The following DLG2 variants were observed in gnomAD, a reference collection of about 807,000 sequenced individuals.
DLG2 encodes the protein disks large homolog 2.
In DLG2, 45 loss-of-function variants were observed where a neutral mutation model predicts 132.5. The ratio of observed to expected loss-of-function variants is 0.34; its 90% CI spans 0.27 to 0.44. The LOEUF is 0.44. Among genes scored for constraint, DLG2 ranks in the 20% least tolerant of loss-of-function variants. The pLI, the probability that DLG2 is intolerant of heterozygous loss-of-function variation, is 1.00. For synonymous variants in DLG2, 424 were observed against 419.6 expected (o/e 1.01, Z -0.13); for missense variants, 1,045 against 1,196.9 (o/e 0.87, Z 1.87).
chr11:85,429,800 C>T (rs550020640), intron 3 of DLG2, among the ~76,000 whole-genome samples: 16 of 152,254 alleles, frequency 1.1e-4, no homozygotes, highest in Admixed American at 7.8e-4. Flanking sequence ...GTCAGTGTGG[C>T]GATTCCTCAG....
At chr11:84,421,464 T>A (rs1198269677) in intron 7 of DLG2, among the ~76,000 whole-genome samples, 1 of 152,138 alleles carries the variant, frequency 6.6e-6, no homozygotes, top group Non-Finnish European at 1.5e-5. Context: ...TTATCAAGAC[T>A]TCCAGGTGAT....
chr11:85,490,711 T>A (rs1392555548), intron 3 of DLG2, among the ~76,000 whole-genome samples: 1 of 151,982 alleles, frequency 6.6e-6, no homozygotes, highest in Non-Finnish European at 1.5e-5. Context: ...AGGAAATGGA[T>A]AAATTTCTAA....
rs1008186759 is a variant in DLG2, at chr11:83,790,805, T to C, written c.1723-4013A>G. The C allele has an allele frequency of 4.8e-4, 365 of 754,068 alleles. 1 individual carries two copies. Among genetic ancestry groups the C allele is most frequent in the Admixed American group, 3.4e-4 (19 of 56,020 alleles). 46.7% of individuals were successfully genotyped at this position (754,068 alleles called of 1,614,324 possible). ...TCTCATCTTCGGGGAAAGAGCGCCC[T>C]CCCACTTGAGAAGGAACCACAGAGA... is the stretch of plus-strand genomic sequence containing the variant. On this transcript the variant is annotated intron_variant, in intron 17 of 27. Coordinates refer to ENST00000376104, the MANE Select transcript of DLG2 (RefSeq NM_001142699.3).
chr11:85,481,922 C>A (rs982864481), intron 3 of DLG2, among the ~76,000 whole-genome samples: 4 of 152,104 alleles, frequency 2.6e-5, no homozygotes, highest in Admixed American at 2.6e-4. Flanking sequence ...CCTGCCCCAA[C>A]ACTATATAGG....
chr11:85,121,047 T>C (rs571462825), intron 5 of DLG2, among the ~76,000 whole-genome samples: 1 of 152,126 alleles, frequency 6.6e-6, no homozygotes, highest in East Asian at 1.9e-4. Flanking sequence ...AAGTAATAAT[T>C]ACTATTATAG....
Position 83,564,648 on chromosome 11 carries a change from T to C in DLG2, c.1941-22790A>G, listed in dbSNP as rs1044040037. The stretch of plus-strand genomic sequence containing the variant: ...ACTGATAAAATTCTTTTAAGAAAGT[T>C]ATATGAGTGAATGATTGTTTGCATT... On this transcript the variant is annotated intron_variant, in intron 19 of 27. Coordinates refer to ENST00000376104, the MANE Select transcript of DLG2 (RefSeq NM_001142699.3). Among the ~76,000 whole-genome samples the C allele has an allele frequency of 8.5e-5, 13 of 152,298 alleles. 1 individual carries two copies. The highest frequency in any genetic ancestry group is 2.9e-4 in the African/African-American group (12 of 41,566).
intron 3 of DLG2, among the ~76,000 whole-genome samples, chr11:85,433,032 G>T (rs186761184): frequency 4.6e-5 from 7 of 152,266 alleles, no homozygotes; most frequent in Admixed American, 4.6e-4. Context: ...TTAAAGGAAA[G>T]AATTTTTAAC....
At chr11:83,881,519 C>A (rs551522262) in intron 15 of DLG2, among the ~76,000 whole-genome samples, 8 of 152,260 alleles carry the variant, frequency 5.3e-5, no homozygotes, top group African/African-American at 1.9e-4. Flanking sequence ...TCAAATTTTA[C>A]ATTTTTATTT....
intron 8 of DLG2, among the ~76,000 whole-genome samples, chr11:84,198,316 T>C (rs2096549047): frequency 6.6e-6 from 1 of 152,116 alleles, no homozygotes; most frequent in Non-Finnish European, 1.5e-5. Flanking sequence ...CCACAAAATA[T>C]AGGAGTAACA....
At chr11:84,679,419 T>A (rs2153704572) in intron 6 of DLG2, among the ~76,000 whole-genome samples, 1 of 152,134 alleles carries the variant, frequency 6.6e-6, no homozygotes, top group Non-Finnish European at 1.5e-5. Context: ...TTCTCAAAGT[T>A]TTTTAGGGTT....
chr11:84,592,216 C>T (rs1260353518), intron 6 of DLG2, among the ~76,000 whole-genome samples: 2 of 152,134 alleles, frequency 1.3e-5, no homozygotes, highest in African/African-American at 4.8e-5. Flanking sequence ...GACTGAGATC[C>T]ATTAATTTAA....
intron 6 of DLG2, among the ~76,000 whole-genome samples, chr11:84,963,128 C>G (rs1017038668): frequency 6.6e-6 from 1 of 152,140 alleles, no homozygotes; most frequent in African/African-American, 2.4e-5. Context: ...CCTTTCACAA[C>G]TAAATAATTT....
intron 18 of DLG2, among the ~76,000 whole-genome samples, chr11:83,641,859 G>T (rs1308473547): frequency 1.3e-5 from 1 of 76,212 alleles, no homozygotes; most frequent in Admixed American, 1.7e-4. Flanking sequence ...CCAAGAGAGA[G>T]GGAGTGTGTG....
At chr11:84,656,905 T>C (rs191377672) in intron 6 of DLG2, among the ~76,000 whole-genome samples, 4 of 152,282 alleles carry the variant, frequency 2.6e-5, no homozygotes, top group African/African-American at 9.6e-5. Context: ...GTTTATTGTG[T>C]TAGGATCAGT....
intron 3 of DLG2, among the ~76,000 whole-genome samples, chr11:85,449,221 C>T (rs982182704): frequency 6.6e-6 from 1 of 151,666 alleles, no homozygotes; most frequent in Non-Finnish European, 1.5e-5. Flanking sequence ...TCCATCAATT[C>T]TGGAAATTTT....
chr11:84,393,390 TTCTG>T (rs202223505), intron 7 of DLG2, among the ~76,000 whole-genome samples: 2,190 of 152,264 alleles, frequency 0.014, 27 homozygotes, highest in South Asian at 0.036. Flanking sequence ...TCTAAATCCT[TTCTG>T]TCTGTCTACA....
chr11:84,541,650 A>G (rs2099371474), intron 6 of DLG2, among the ~76,000 whole-genome samples: 1 of 152,150 alleles, frequency 6.6e-6, no homozygotes, highest in South Asian at 2.1e-4. Context: ...TGAATCTCCA[A>G]TGCCCAACCG....
At chr11:84,102,197 T>C (rs539741748) in intron 9 of DLG2, among the ~76,000 whole-genome samples, 2 of 152,320 alleles carry the variant, frequency 1.3e-5, no homozygotes, top group East Asian at 3.9e-4. Context: ...CAGGTTTTTA[T>C]GCTTACTTAC....
chr11:84,409,715 A>G (rs1288351581), intron 7 of DLG2, among the ~76,000 whole-genome samples: 4 of 152,190 alleles, frequency 2.6e-5, no homozygotes, highest in Non-Finnish European at 4.4e-5. Flanking sequence ...CAAGCATTGT[A>G]ACCATGTCTC....
Sources: gnomAD v4.1 joint callset for allele counts (sites outside exome capture counted in the v4.1 genomes callset) on GRCh38, gnomAD v4.1.1 for gene constraint, MANE v1.5 for transcripts, NCBI Gene and HGNC (gene_info 2026-07-23, HGNC 2026-07-21) for gene names.